The following MEGF11 variants were observed in gnomAD, a reference collection of about 807,000 sequenced individuals.
MEGF11 encodes multiple epidermal growth factor-like domains protein 11.
Under a neutral mutation model 146.6 loss-of-function variants are expected in MEGF11, and 126 were observed. That is an observed-to-expected ratio of 0.86 (90% CI 0.74 to 1.00). The LOEUF (loss-of-function observed/expected upper bound fraction) is 1.00, where lower values mean the gene tolerates loss of function less well. Among genes scored for constraint, MEGF11 ranks in the 50% least tolerant of loss-of-function variants. The pLI is 0.00. For missense variants in MEGF11, 1,509 were observed against 1,521.2 expected (o/e 0.99, Z 0.13); for synonymous variants, 532 against 583.4 (o/e 0.91, Z 1.27).
intron 3 of MEGF11, among the ~76,000 whole-genome samples, chr15:66,122,075 C>T (rs1015974560): frequency 2.0e-5 from 3 of 152,016 alleles, no homozygotes; most frequent in Non-Finnish European, 4.4e-5. Context: ...CCAGCCTGGC[C>T]AATATGGCGA....
chr15:66,209,233 C>T (rs2091380683), intron 1 of MEGF11, among the ~76,000 whole-genome samples: 1 of 152,056 alleles, frequency 6.6e-6, no homozygotes, highest in Non-Finnish European at 1.5e-5. Flanking sequence ...GCCTGCAGTC[C>T]CAGCCACTTG....
chr15:65,993,503 G>A (rs768362627), intron 5 of MEGF11, among the ~76,000 whole-genome samples: 53 of 151,316 alleles, frequency 3.5e-4, no homozygotes, highest in Non-Finnish European at 6.4e-4. Context: ...AATCATGTCT[G>A]TGCACAAAGG....
chr15:65,985,083 T>A (rs928132297), intron 5 of MEGF11, among the ~76,000 whole-genome samples: 2 of 152,316 alleles, frequency 1.3e-5, no homozygotes, highest in East Asian at 1.9e-4. Context: ...AGCCACATTT[T>A]AAAAGCTGCC....
intron 1 of MEGF11, among the ~76,000 whole-genome samples, chr15:66,150,114 C>G (rs1025426973): frequency 3.3e-5 from 5 of 152,248 alleles, no homozygotes; most frequent in South Asian, 4.1e-4. Flanking sequence ...CCGGCTCCCC[C>G]TTTCATGTGG....
chr15:65,973,919 C>G (rs548204726), intron 7 of MEGF11, among the ~76,000 whole-genome samples: 1 of 152,270 alleles, frequency 6.6e-6, no homozygotes, highest in Admixed American at 6.5e-5. Flanking sequence ...CCCTGCCCCC[C>G]AGTATTAGCC....
intron 5 of MEGF11, among the ~76,000 whole-genome samples, chr15:66,085,215 C>T (rs1216651406): frequency 6.6e-6 from 1 of 152,118 alleles, no homozygotes; most frequent in Admixed American, 6.5e-5. Flanking sequence ...CTATGCCCAC[C>T]CCCAGCTGAT....
At position 65,982,178 on chromosome 15, in the gene MEGF11, C is replaced by T; in HGVS notation, c.641+64G>A. On this transcript the variant is annotated intron_variant, in intron 6 of 25. Coordinates refer to ENST00000395614, the MANE Select transcript of MEGF11 (RefSeq NM_001385028.1). This position sits in a 1 kb window ranked among gnomAD's most constrained non-coding sequence, Gnocchi z 5.6. ...CCTCCACCTCCTCTACCCTCCCCAC[C>T]CAGGCACCCTCCAGGTCCCGCCCCT... 1.3e-6 allele frequency: 2 copies of T among 1,496,524 alleles called. No homozygotes were observed. Among genetic ancestry groups the T allele is most frequent in the East Asian group, 5.0e-5 (2 of 39,638 alleles). 92.7% of individuals were successfully genotyped at this position (1,496,524 alleles called of 1,614,324 possible).
intron 5 of MEGF11, among the ~76,000 whole-genome samples, chr15:65,988,870 G>C (rs2081950081): frequency 6.6e-6 from 1 of 152,120 alleles, no homozygotes; most frequent in Non-Finnish European, 1.5e-5. Context: ...CAGCTCAGCG[G>C]GGCACAAGAA....
At chr15:66,044,607 G>A (rs939326236) in intron 5 of MEGF11, among the ~76,000 whole-genome samples, 2 of 151,888 alleles carry the variant, frequency 1.3e-5, no homozygotes, top group Admixed American at 6.6e-5. Context: ...CAGTATTTTG[G>A]GAGACTGAGA....
At chr15:66,028,455 T>C (rs2083411465) in intron 5 of MEGF11, among the ~76,000 whole-genome samples, 1 of 152,212 alleles carries the variant, frequency 6.6e-6, no homozygotes, top group African/African-American at 2.4e-5. Context: ...ATAGGAATGA[T>C]CAAATGATCA....
At chr15:66,231,155 A>G (rs74019536) in intron 1 of MEGF11, among the ~76,000 whole-genome samples, 3,521 of 152,158 alleles carry the variant, frequency 0.023, 139 homozygotes, top group African/African-American at 0.081. Flanking sequence ...CTGGTGTTCC[A>G]CAGAACACAG....
At chr15:66,078,704 G>T (rs1185400543) in intron 5 of MEGF11, among the ~76,000 whole-genome samples, 1 of 152,208 alleles carries the variant, frequency 6.6e-6, no homozygotes, top group Non-Finnish European at 1.5e-5. Flanking sequence ...TCACACCTGT[G>T]TGGGGCTGGG....
chr15:65,990,609 AGAAAAAAAAGAAAAGAAAAAAAG>A (rs1296767466), intron 5 of MEGF11, among the ~76,000 whole-genome samples: 1 of 139,010 alleles, frequency 7.2e-6, no homozygotes, highest in Admixed American at 7.2e-5. Context: ...AGAAAAGAAA[AGAAAAAAAAGAAAAGAAAAAAAG>A]AGAAAGGAAA....
intron 5 of MEGF11, among the ~76,000 whole-genome samples, chr15:66,039,454 T>C (rs1332295740): frequency 1.3e-5 from 2 of 152,224 alleles, no homozygotes; most frequent in East Asian, 3.8e-4. Context: ...TGCTCTCTAA[T>C]GTGCTGAGCA....
At chr15:65,940,989 A>G (rs2079969993) in intron 10 of MEGF11, among the ~76,000 whole-genome samples, 1 of 152,252 alleles carries the variant, frequency 6.6e-6, no homozygotes, top group Non-Finnish European at 1.5e-5. Context: ...GGCAGATGTC[A>G]GTAGAATGTC....
intron 16 of MEGF11, 61 bp from the exon 17 acceptor site, chr15:65,917,017 A>G (rs985608708): frequency 4.9e-6 from 7 of 1,429,140 alleles, no homozygotes; most frequent in Non-Finnish European, 3.7e-6. Context: ...ACGGAGAGGG[A>G]GAAGAAGGGG....
intron 7 of MEGF11, among the ~76,000 whole-genome samples, chr15:65,972,888 G>A (rs2081337435): frequency 1.3e-5 from 2 of 152,194 alleles, no homozygotes; most frequent in Non-Finnish European, 2.9e-5. Context: ...ATTTTGGGAG[G>A]CTGAGGTGGG....
intron 1 of MEGF11, among the ~76,000 whole-genome samples, chr15:66,190,600 G>C (rs752700286): frequency 6.6e-6 from 1 of 152,142 alleles, no homozygotes; most frequent in South Asian, 2.1e-4. Context: ...AGGTGGCCAA[G>C]AGATAGCACC....
chr15:65,970,448 G>T, intron 8 of MEGF11, 105 bp downstream of exon 8: 1 of 1,300,804 alleles, frequency 7.7e-7, no homozygotes. Context: ...TTCTGAGAAA[G>T]GAACTGGAAG....
Sources: gnomAD v4.1 joint callset for allele counts (sites outside exome capture counted in the v4.1 genomes callset) on GRCh38, gnomAD v4.1.1 for gene constraint, Gnocchi (gnomAD v3.1) non-coding constraint, MANE v1.5 for transcripts, NCBI Gene and HGNC (gene_info 2026-07-23, HGNC 2026-07-21) for gene names.